The following PDE7B variants were observed in gnomAD, a reference collection of about 807,000 sequenced individuals.
PDE7B encodes phosphodiesterase 7B.
In PDE7B, 29 loss-of-function variants were observed where a neutral mutation model predicts 56.2. That is an observed-to-expected ratio of 0.52 (90% CI 0.38 to 0.70). PDE7B has a LOEUF of 0.70. Ranked by LOEUF, PDE7B falls within the 30% of genes least tolerant of loss-of-function variation. The probability of loss-of-function intolerance (pLI) is 0.00; values close to 1 mark genes in which losing one functional copy is unlikely to be tolerated. For missense variants in PDE7B, 490 were observed against 565.0 expected (o/e 0.87, Z 1.35); for synonymous variants, 197 against 196.9 (o/e 1.00, Z 0.00).
At chr6:135,967,105 G>T (rs535271322) in intron 2 of PDE7B, among the ~76,000 whole-genome samples, 3 of 152,224 alleles carry the variant, frequency 2.0e-5, no homozygotes, top group South Asian at 2.1e-4. Flanking sequence ...TCTATGAGTT[G>T]TTTCATGCTT....
chr6:135,953,709 C>G (rs960695626), intron 2 of PDE7B, among the ~76,000 whole-genome samples: 1 of 151,972 alleles, frequency 6.6e-6, no homozygotes, highest in South Asian at 2.1e-4. Flanking sequence ...CAATTTGGTT[C>G]AAGTGAATAG....
At chr6:136,129,406 C>CT (rs1430764472) in intron 3 of PDE7B, among the ~76,000 whole-genome samples, 1 of 152,296 alleles carries the variant, frequency 6.6e-6, no homozygotes, top group East Asian at 1.9e-4. Flanking sequence ...CATGAGGGCA[C>CT]TGCTTAGTTA....
At chr6:135,889,661 G>A (rs112751552) in intron 1 of PDE7B, among the ~76,000 whole-genome samples, 3 of 134,054 alleles carry the variant, frequency 2.2e-5, no homozygotes, top group Non-Finnish European at 4.7e-5. Context: ...GGCTGGTCTC[G>A]AACTCCTGAC....
chr6:136,187,654 T>A (rs1464778538), intron 12 of PDE7B, among the ~76,000 whole-genome samples: 1 of 152,208 alleles, frequency 6.6e-6, no homozygotes, highest in Non-Finnish European at 1.5e-5. Flanking sequence ...CACACTCTCT[T>A]TCAAGTGTCA....
At chr6:136,155,873 A>T (rs1562508239) in intron 8 of PDE7B, 115 bp downstream of exon 8, 1 of 1,120,702 alleles carries the variant, frequency 8.9e-7, no homozygotes, top group South Asian at 1.3e-5. Flanking sequence ...AGAAGTTCAA[A>T]GACGAATGAA....
chr6:136,043,158 C>A (rs1776440570), intron 2 of PDE7B, among the ~76,000 whole-genome samples: 1 of 152,188 alleles, frequency 6.6e-6, no homozygotes, highest in East Asian at 1.9e-4. Flanking sequence ...AAAACTACTG[C>A]TTTTAGCAGC....
At chr6:136,006,763 A>G (rs79397692) in intron 2 of PDE7B, among the ~76,000 whole-genome samples, 2,007 of 152,250 alleles carry the variant, frequency 0.013, 47 homozygotes, top group African/African-American at 0.046. Flanking sequence ...TTGATTTTGT[A>G]TCCTGAGATT....
chr6:135,923,296 T>C (rs1473062428), intron 1 of PDE7B, among the ~76,000 whole-genome samples: 2 of 152,176 alleles, frequency 1.3e-5, no homozygotes, highest in Admixed American at 1.3e-4. Context: ...AGAAGATGCA[T>C]GACTTGCCTT....
chr6:135,864,199 A>C (rs986877599), intron 1 of PDE7B, among the ~76,000 whole-genome samples: 4 of 152,116 alleles, frequency 2.6e-5, no homozygotes, highest in Non-Finnish European at 5.9e-5. Context: ...CCTTTGTGGC[A>C]AATTTGAGAA....
At chr6:135,978,890 C>G (rs150409187) in intron 2 of PDE7B, among the ~76,000 whole-genome samples, 1 of 151,746 alleles carries the variant, frequency 6.6e-6, no homozygotes, top group Admixed American at 6.6e-5. Flanking sequence ...GCCTAATTGC[C>G]CTGGCCAGAA....
intron 2 of PDE7B, among the ~76,000 whole-genome samples, chr6:136,012,388 G>A (rs184897091): frequency 7.6e-4 from 116 of 152,298 alleles, no homozygotes; most frequent in South Asian, 7.3e-3. Context: ...GCAAAAAATG[G>A]ACATGCTGAC....
chr6:136,190,381 G>A (rs1367624022), intron 12 of PDE7B, among the ~76,000 whole-genome samples: 2 of 152,178 alleles, frequency 1.3e-5, no homozygotes, highest in African/African-American at 2.4e-5. Context: ...ATAACAGTGT[G>A]TATTGCTGCA....
chr6:135,981,980 A>G (rs1471610066), intron 2 of PDE7B, among the ~76,000 whole-genome samples: 1 of 152,108 alleles, frequency 6.6e-6, no homozygotes, highest in Non-Finnish European at 1.5e-5. Flanking sequence ...AATGGTTACA[A>G]TGACTATGAA....
At chr6:136,023,127 C>T (rs999341257) in intron 2 of PDE7B, among the ~76,000 whole-genome samples, 3 of 152,204 alleles carry the variant, frequency 2.0e-5, no homozygotes, top group African/African-American at 7.2e-5. Flanking sequence ...TGAGACCCCA[C>T]CTGTTTCCCA....
chr6:136,049,612 A>G (rs1776589602), intron 2 of PDE7B, among the ~76,000 whole-genome samples: 1 of 152,214 alleles, frequency 6.6e-6, no homozygotes, highest in Admixed American at 6.5e-5. Flanking sequence ...TCTGTGATGG[A>G]CTGATCATTA....
At chr6:136,007,830 T>A (rs1426380819) in intron 2 of PDE7B, among the ~76,000 whole-genome samples, 1 of 151,746 alleles carries the variant, frequency 6.6e-6, no homozygotes, top group Non-Finnish European at 1.5e-5. Flanking sequence ...TCTTTGTCAT[T>A]TCTTCTTTTT....
At chr6:136,181,586 T>C (rs746322587) in intron 11 of PDE7B, among the ~76,000 whole-genome samples, 29 of 152,186 alleles carry the variant, frequency 1.9e-4, no homozygotes, top group Non-Finnish European at 4.1e-4. Flanking sequence ...GGGACATTGA[T>C]TATAAATGGC....
At chr6:135,912,334 G>A (rs1776227155) in intron 1 of PDE7B, among the ~76,000 whole-genome samples, 2 of 152,046 alleles carry the variant, frequency 1.3e-5, no homozygotes, top group Admixed American at 1.3e-4. Context: ...ACTCAATAGA[G>A]TATAACAACT....
At chr6:135,922,959 A>G (rs997708346) in intron 1 of PDE7B, among the ~76,000 whole-genome samples, 1 of 152,116 alleles carries the variant, frequency 6.6e-6, no homozygotes, top group African/African-American at 2.4e-5. Context: ...CTGATTTCCC[A>G]GAGCCGTCCA....
Sources: gnomAD v4.1 joint callset for allele counts (sites outside exome capture counted in the v4.1 genomes callset) on GRCh38, gnomAD v4.1.1 for gene constraint, MANE v1.5 for transcripts, NCBI Gene and HGNC (gene_info 2026-07-23, HGNC 2026-07-21) for gene names.